The following SLC4A9 variants were observed in gnomAD, a reference collection of about 807,000 sequenced individuals.
SLC4A9 encodes the protein solute carrier family 4 member 9.
In SLC4A9, 102 loss-of-function variants were observed where a neutral mutation model predicts 103.2. That is an observed-to-expected ratio of 0.99 (90% CI 0.84 to 1.17). The LOEUF (loss-of-function observed/expected upper bound fraction) is 1.17, where lower values mean the gene tolerates loss of function less well. SLC4A9 is among the 50% of genes most tolerant of loss of function. The probability of loss-of-function intolerance (pLI) is 0.00; values close to 1 mark genes in which losing one functional copy is unlikely to be tolerated. For synonymous variants in SLC4A9, 453 were observed against 483.6 expected, an observed-to-expected ratio of 0.94 and a Z score of 0.83; for missense variants, 1,091 against 1,193.7, an observed-to-expected ratio of 0.91 and a Z score of 1.27.
At position 140,363,044 on chromosome 5, in the gene SLC4A9, T is replaced by C. The variant is rs1269810515; in HGVS notation, c.940T>C (p.Cys314Arg). 3 of 1,613,328 alleles carry C rather than the reference T, an allele frequency of 1.9e-6. No homozygotes were observed. Among genetic ancestry groups the C allele is most frequent in the Non-Finnish European group, 2.5e-6 (3 of 1,179,686 alleles). Residue 314 changes from cysteine to arginine, a missense_variant, in exon 7 of 22, where the codon TGT (cysteine) becomes CGT (arginine). Cys to Arg is a radical substitution (Grantham distance 180). Coordinates refer to ENST00000506757, the MANE Select transcript of SLC4A9 (RefSeq NM_031467.3). This position sits in a 1 kb window ranked among gnomAD's most constrained non-coding sequence, Gnocchi z 4.5. Reference protein sequence around the residue: ...DPTARIPPPKCLPSQHKRLPS... With the variant: ...DPTARIPPPKRLPSQHKRLPS... Reference sequence around the variant, plus strand: ...AACAGCCCGGATTCCCCCGCCCAAATGTCTGCCATCTCAGCACAAAAGGTA... The same window carrying C: ...AACAGCCCGGATTCCCCCGCCCAAACGTCTGCCATCTCAGCACAAAAGGTA...
intron 2 of SLC4A9, 33 bp from the exon 3 acceptor site, chr5:140,361,221 C>T: frequency 4.6e-6 from 7 of 1,525,068 alleles, no homozygotes; most frequent in Non-Finnish European, 4.5e-6. Flanking sequence ...AGGGAACTCT[C>T]AGGAAGGAGA....
Position 140,360,918 on chromosome 5 carries a change from G to T in SLC4A9, c.337G>T (p.Ala113Ser), listed in dbSNP as rs756451645. 9 of 1,604,214 alleles carry T rather than the reference G, an allele frequency of 5.6e-6. No individual in the cohort carries two copies. The highest frequency in any genetic ancestry group is 7.7e-6 in the Non-Finnish European group (9 of 1,175,872). ...PSLQKLRSLL[A>S]EGLVLLDCPA... The stretch of plus-strand genomic sequence containing the variant: ...CCTCCAGAAGCTCCGCAGCCTGCTG[G>T]CCGAGGGCCTTGTACTGCTGGACTG... Residue 113 changes from alanine to serine, a missense_variant, in exon 2 of 22, where the codon GCC becomes TCC. Physicochemically the swap from Ala to Ser is moderately conservative, Grantham distance 99. Transcript: ENST00000506757.
Position 140,360,888 on chromosome 5 carries a change from C to A in SLC4A9, c.307C>A (p.Pro103Thr). The change falls in exon 2 of 22, where the codon CCC becomes ACC. Residue 103 changes from proline to threonine, a missense_variant. Physicochemically the swap from Pro to Thr is conservative, Grantham distance 38. Coordinates refer to ENST00000506757, the MANE Select transcript of SLC4A9 (RefSeq NM_031467.3). ...CCCCCACGTGCCCACCCTGGCACTGCCCAGCCTCCAGAAGCTCCGCAGCCT... is the reference window on the plus strand; with the variant it reads ...CCCCCACGTGCCCACCCTGGCACTGACCAGCCTCCAGAAGCTCCGCAGCCT... ...SAPHVPTLAL[P>T]SLQKLRSLLA... The A allele has an allele frequency of 6.2e-7, 1 of 1,610,702 alleles. No individual in the cohort carries two copies. The highest frequency in any genetic ancestry group is 8.5e-7 in the Non-Finnish European group (1 of 1,178,924).
intron 16 of SLC4A9, 95 bp downstream of exon 16, chr5:140,367,993 G>A (rs768758514): frequency 3.7e-6 from 5 of 1,336,364 alleles, no homozygotes; most frequent in Non-Finnish European, 5.2e-6. Context: ...TAAATTCTAA[G>A]CTGGTGTCCC....
In SLC4A9 at chr5:140,372,742, C is replaced by A; in HGVS notation, c.2827-3C>A. 6.4e-7 allele frequency: 1 copy of A among 1,573,940 alleles called. No individual in the cohort carries two copies. The highest frequency in any genetic ancestry group is 8.6e-7 in the Non-Finnish European group (1 of 1,159,570). On this transcript the variant is annotated splice_region_variant and splice_polypyrimidine_tract_variant and intron_variant, in intron 20 of 21. Transcript: ENST00000506757. ...AATCCATCTTGGGATCTGTCTTCCA[C>A]AGTCAGAGCTGATGTATCAGCCAAA...
chr5:140,372,184 T>C (rs1768821264), intron 19 of SLC4A9, 58 bp from the exon 20 acceptor site: 1 of 1,421,928 alleles, frequency 7.0e-7, no homozygotes, highest in South Asian at 1.5e-5. Context: ...AGTGTTACTA[T>C]TGTTAATGTT....
rs1289429074 is a variant in SLC4A9 at position 140,364,560 on chromosome 5, C to A, written c.1586C>A (p.Thr529Asn). 6.2e-7 allele frequency: 1 copy of A among 1,604,464 alleles called. No homozygotes were observed. The highest frequency in any genetic ancestry group is 8.5e-7 in the Non-Finnish European group (1 of 1,175,310). The change falls in exon 11 of 22, where the codon ACC becomes AAC. Residue 529 changes from threonine (T) to asparagine (N), a missense_variant. Transcript: ENST00000506757. ...GGCAAAATGCTGAACTTGACCCATA[C>A]CTATCCTATCCAGAAGCCTGGGTCC... ...AVGKMLNLTH[T>N]YPIQKPGSSA...
rs1334918694 is a variant in SLC4A9 at position 140,363,812 on chromosome 5, C to CT, written c.1166dup (p.Ser390LeufsTer13). 1.2e-6 allele frequency: 2 copies of CT among 1,613,986 alleles called. No homozygotes were observed. The highest frequency in any genetic ancestry group is 4.5e-5 in the East Asian group (2 of 44,880). ...TCTTGGACGCCCTGCATCTCCAGTG[C>CT]TTCTCGGCCGTACTCTACATTTACC... On this transcript the variant is annotated frameshift_variant, in exon 9 of 22. Transcript: ENST00000506757. LOFTEE classifies it high-confidence loss of function. This position sits in a 1 kb window ranked among gnomAD's most constrained non-coding sequence, Gnocchi z 4.5.
intron 17 of SLC4A9, among the ~76,000 whole-genome samples, chr5:140,369,905 G>A (rs913807308): frequency 6.6e-6 from 1 of 152,084 alleles, no homozygotes; most frequent in Non-Finnish European, 1.5e-5. Context: ...GGGAGGCTAA[G>A]GTGGGAGCAT....
intron 15 of SLC4A9, 61 bp from the exon 16 acceptor site, chr5:140,367,659 G>T: frequency 6.2e-7 from 1 of 1,606,608 alleles, no homozygotes; most frequent in Non-Finnish European, 8.5e-7. Context: ...TCCTACCTCA[G>T]AGGACAGAGG....
chr5:140,366,087 G>GAAAAA, intron 13 of SLC4A9, 64 bp from the exon 14 acceptor site: 1 of 1,608,696 alleles, frequency 6.2e-7, no homozygotes, highest in Middle Eastern at 1.7e-4. Context: ...ATCTGTGATG[G>GAAAAA]GAAGTGGTGT....
chr5:140,368,613 T>A lies in SLC4A9; in HGVS notation c.2381T>A (p.Val794Glu). 1.2e-6 allele frequency: 2 copies of A among 1,613,426 alleles called. No homozygotes were observed. The highest frequency in any genetic ancestry group is 1.1e-5 in the South Asian group (1 of 91,008). Residue 794 changes from valine to glutamate, a missense_variant, in exon 17 of 22, where the codon GTG (valine) becomes GAG (glutamate). Transcript: ENST00000506757. ...IREQRLTGLV[V>E]FILTGASIFL... ...GAACAGAGGCTGACAGGCCTGGTGG[T>A]GTTCATCCTTACAGGAGCCTCCATC...
rs1411557017 is a variant in SLC4A9 at position 140,367,759 on chromosome 5, GTGCTGA to G, written c.2220_2225del (p.Met741_Leu742del). On this transcript the variant is annotated inframe_deletion, in exon 16 of 22. Transcript: ENST00000506757. ...CCACCTGGACCTCTTCTGTGTGGCT[GTGCTGA>G]TGCTACTCACATCAGCGCTTGGACT... is the stretch of plus-strand genomic sequence containing the variant. The G allele has an allele frequency of 6.2e-7, 1 of 1,613,848 alleles. No homozygotes were observed. Among genetic ancestry groups the G allele is most frequent in the Non-Finnish European group, 8.5e-7 (1 of 1,179,898 alleles).
At chr5:140,364,970 C>T (rs1003558044) in intron 11 of SLC4A9, among the ~76,000 whole-genome samples, 11 of 152,162 alleles carry the variant, frequency 7.2e-5, no homozygotes, top group Admixed American at 5.2e-4. Context: ...TAAATACATA[C>T]ATCAAACAGG....
Position 140,367,510 on chromosome 5 carries a change from C to G in SLC4A9, c.2104C>G (p.Leu702Val), listed in dbSNP as rs1375207678. 3 of 1,604,962 alleles carry G rather than the reference C, an allele frequency of 1.9e-6. No individual in the cohort carries two copies. The change falls in exon 15 of 22, where the codon CTG becomes GTG. Residue 702 changes from leucine (L) to valine (V), a missense_variant. Coordinates refer to ENST00000506757, the MANE Select transcript of SLC4A9 (RefSeq NM_031467.3). The part of the protein sequence containing the change: ...SVAAALPALL[L>V]SILIFMDQQI... ...GGCAGCTGCCCTGCCTGCCCTGCTG[C>G]TGTCTATCCTCATCTTCATGGACCA...
Position 140,367,754 on chromosome 5 carries a change from T to C in SLC4A9, c.2210T>C (p.Val737Ala). The C allele has an allele frequency of 6.2e-7, 1 of 1,613,956 alleles. No homozygotes were observed. The highest frequency in any genetic ancestry group is 8.5e-7 in the Non-Finnish European group (1 of 1,179,884). ...GAGFHLDLFC[V>A]AVLMLLTSAL... is the part of the protein sequence containing the mutation. ...GGCTTCCACCTGGACCTCTTCTGTG[T>C]GGCTGTGCTGATGCTACTCACATCA... Residue 737 changes from valine (V) to alanine (A), a missense_variant, in exon 16 of 22, where the codon GTG becomes GCG. Physicochemically the swap from Val to Ala is moderately conservative, Grantham distance 64 (BLOSUM62 0). Transcript: ENST00000506757.
chr5:140,372,813 T>C lies in SLC4A9; in HGVS notation c.*15T>C. The C allele has an allele frequency of 6.4e-7, 1 of 1,555,676 alleles. No individual in the cohort carries two copies. Among genetic ancestry groups the C allele is most frequent in the Non-Finnish European group, 8.7e-7 (1 of 1,149,112 alleles). On this transcript the variant is annotated 3_prime_UTR_variant, in exon 21 of 22. Coordinates refer to ENST00000506757, the MANE Select transcript of SLC4A9 (RefSeq NM_031467.3). ...CTGTGAATTAGCTGGAGTAGGAGTC[T>C]GGGAGTGGAGACCCCAGGAAACAGC...
At position 140,362,026 on chromosome 5, in the gene SLC4A9, C is replaced by T; in HGVS notation, c.571C>T (p.Pro191Ser). The change falls in exon 5 of 22, where the codon CCC becomes TCC. Residue 191 changes from proline (P) to serine (S), a missense_variant. By Grantham distance (74) the Pro-to-Ser change is moderately conservative. Coordinates refer to ENST00000506757, the MANE Select transcript of SLC4A9 (RefSeq NM_031467.3). ...EAPLREQCQN[P>S]LRQKLPPGAE... ...TTGAACCCCCATCCAGTGTCAGAAC[C>T]CCCTGAGACAGAAGCTACCTCCAGG... is the stretch of plus-strand genomic sequence containing the variant. 6.2e-7 allele frequency: 1 copy of T among 1,611,078 alleles called. No individual in the cohort carries two copies. Among genetic ancestry groups the T allele is most frequent in the Non-Finnish European group, 8.5e-7 (1 of 1,179,214 alleles).
rs1561605029 is a variant in SLC4A9 at position 140,367,409 on chromosome 5, CCCT to C, written c.2014-5_2014-3del. 6.2e-7 allele frequency: 1 copy of C among 1,610,290 alleles called. No individual in the cohort carries two copies. The highest frequency in any genetic ancestry group is 1.1e-5 in the South Asian group (1 of 90,236). ...CCCACTCCAACCTGTCCATGAAATG[CCCT>C]CCTCCAGCCCACACTCCCTGGGCGT... On this transcript the variant is annotated splice_region_variant and splice_polypyrimidine_tract_variant and intron_variant, in intron 14 of 21. Transcript: ENST00000506757.
Sources: allele counts gnomAD v4.1 joint callset (sites outside exome capture counted in the v4.1 genomes callset), GRCh38; gene constraint gnomAD v4.1.1; non-coding constraint Gnocchi (gnomAD v3.1); transcripts MANE v1.5; gene names NCBI Gene and HGNC (gene_info 2026-07-23, HGNC 2026-07-21).